ACKR2: variants seen among roughly 807,000 people sequenced by gnomAD.
ACKR2 encodes the protein C-C chemokine receptor D6.
For missense variants in ACKR2, 457 were observed against 477.3 expected (o/e 0.96, Z 0.40); for synonymous variants, 207 against 192.2 (o/e 1.08, Z -0.64).
intron 1 of ACKR2, among the ~76,000 whole-genome samples, chr3:42,812,211 TA>T (rs1700704246): frequency 1.3e-5 from 2 of 152,248 alleles, no homozygotes; most frequent in Admixed American, 1.3e-4. Flanking sequence ...CAGGGTTGTA[TA>T]GTGCATAACG....
intron 2 of ACKR2, among the ~76,000 whole-genome samples, chr3:42,862,673 TG>T (rs1356850178): frequency 6.6e-6 from 1 of 151,974 alleles, no homozygotes; most frequent in Non-Finnish European, 1.5e-5. Context: ...TATAAACAAA[TG>T]GAACAGAACA....
At chr3:42,828,092 A>ATTTTTTTTTTTTTTTTTTTTTTTTT (rs71072742) in intron 2 of ACKR2, among the ~76,000 whole-genome samples, 1 of 121,902 alleles carries the variant, frequency 8.2e-6, no homozygotes, top group African/African-American at 3.2e-5. Flanking sequence ...ATATATATAT[A>ATTTTTTTTTTTTTTTTTTTTTTTTT]TTTTTTTTTT....
At chr3:42,824,214 A>G (rs1431627251) in intron 2 of ACKR2, among the ~76,000 whole-genome samples, 3 of 152,232 alleles carry the variant, frequency 2.0e-5, no homozygotes, top group East Asian at 3.8e-4. Flanking sequence ...AATACCTAAT[A>G]TAATGTAAAT....
At chr3:42,830,026 A>G (rs1046271560) in intron 2 of ACKR2, among the ~76,000 whole-genome samples, 1 of 151,838 alleles carries the variant, frequency 6.6e-6, no homozygotes, top group Non-Finnish European at 1.5e-5. Context: ...TCTAATATTT[A>G]CTAAACAAAT....
intron 1 of ACKR2, among the ~76,000 whole-genome samples, chr3:42,812,796 CTT>C (rs986237305): frequency 3.6e-5 from 5 of 140,748 alleles, no homozygotes; most frequent in Admixed American, 8.0e-5. Context: ...AAGTGATCCT[CTT>C]GCCTCAGCCT....
chr3:42,813,167 A>T (rs1016378722), intron 1 of ACKR2, among the ~76,000 whole-genome samples: 5 of 152,212 alleles, frequency 3.3e-5, no homozygotes, highest in Non-Finnish European at 5.9e-5. Context: ...AAAGCAAGAT[A>T]ATTTGCAAAT....
At chr3:42,846,330 G>T (rs1389034118) in intron 2 of ACKR2, among the ~76,000 whole-genome samples, 1 of 152,184 alleles carries the variant, frequency 6.6e-6, no homozygotes, top group African/African-American at 2.4e-5. Flanking sequence ...AGCTTTCTCA[G>T]TTTCCAGAGA....
At chr3:42,813,252 A>G (rs1252810835) in intron 1 of ACKR2, among the ~76,000 whole-genome samples, 1 of 152,200 alleles carries the variant, frequency 6.6e-6, no homozygotes. Context: ...TTAAATAAGT[A>G]TGTTATAGTA....
chr3:42,813,805 A>G (rs1030566402), intron 1 of ACKR2, among the ~76,000 whole-genome samples: 3 of 152,212 alleles, frequency 2.0e-5, no homozygotes. Flanking sequence ...CATATTTATT[A>G]GGAAGTTGTA....
At chr3:42,842,318 CTGA>C (rs1464146448) in intron 2 of ACKR2, among the ~76,000 whole-genome samples, 1 of 152,062 alleles carries the variant, frequency 6.6e-6, no homozygotes, top group Non-Finnish European at 1.5e-5. Flanking sequence ...TGTGATTTTA[CTGA>C]TAATATTCCA....
At chr3:42,823,226 T>C (rs537312459) in intron 2 of ACKR2, among the ~76,000 whole-genome samples, 1 of 152,302 alleles carries the variant, frequency 6.6e-6, no homozygotes, top group East Asian at 1.9e-4. Flanking sequence ...AAGCCTAGCA[T>C]GGAGTGACTT....
chr3:42,863,483 C>T (rs1173356793), intron 2 of ACKR2, among the ~76,000 whole-genome samples: 1 of 152,142 alleles, frequency 6.6e-6, no homozygotes, highest in Non-Finnish European at 1.5e-5. Context: ...CCAGAAATAC[C>T]ATTTGACCCA....
At chr3:42,820,694 T>C (rs1474613240) in intron 2 of ACKR2, among the ~76,000 whole-genome samples, 1 of 147,102 alleles carries the variant, frequency 6.8e-6, no homozygotes, top group Non-Finnish European at 1.5e-5. Flanking sequence ...CCAGAAGAGA[T>C]TTTCAAAGAT....
chr3:42,823,926 C>T (rs150393766), intron 2 of ACKR2, among the ~76,000 whole-genome samples: 6 of 152,260 alleles, frequency 3.9e-5, no homozygotes, highest in Admixed American at 2.0e-4. Context: ...GTCGTCCCTT[C>T]GTATCCACAG....
Position 42,865,684 on chromosome 3 carries a change from C to T in ACKR2, c.*27C>T, listed in dbSNP as rs114288695. The T allele has an allele frequency of 2.0e-3, 3,093 of 1,567,144 alleles. 57 individuals are homozygous for T. The African/African-American group carries it at 0.036, about 18-fold the overall frequency. On this transcript the variant is annotated 3_prime_UTR_variant, in exon 3 of 3. Coordinates refer to ENST00000422265, the MANE Select transcript of ACKR2 (RefSeq NM_001296.5). ...TGACCAAATTTTGGTCTGGTGGGAA[C>T]AGATGGGAACCAGCTCAATTGGGTG...
intron 2 of ACKR2, among the ~76,000 whole-genome samples, chr3:42,833,153 T>G (rs1420711786): frequency 6.6e-6 from 1 of 152,154 alleles, no homozygotes; most frequent in African/African-American, 2.4e-5. Context: ...CATGAGCTAC[T>G]GTGCTTGGGT....
intron 2 of ACKR2, among the ~76,000 whole-genome samples, chr3:42,828,092 A>ATATATATATATTT (rs1193533555): frequency 1.7e-4 from 21 of 121,896 alleles, no homozygotes; most frequent in East Asian, 6.7e-4. Context: ...ATATATATAT[A>ATATATATATATTT]TTTTTTTTTT....
intron 2 of ACKR2, among the ~76,000 whole-genome samples, chr3:42,845,848 C>CAAAA (rs35395771): frequency 2.0e-5 from 1 of 49,406 alleles, no homozygotes; most frequent in Non-Finnish European, 4.8e-5. Context: ...GACTCCGTCT[C>CAAAA]AAAAAAAAAA....
At chr3:42,838,222 T>A (rs1205830799) in intron 2 of ACKR2, among the ~76,000 whole-genome samples, 1 of 152,174 alleles carries the variant, frequency 6.6e-6, no homozygotes, top group Non-Finnish European at 1.5e-5. Context: ...GAATGTGTGC[T>A]CTTCAAAAGA....
Sources: allele counts gnomAD v4.1 joint callset (sites outside exome capture counted in the v4.1 genomes callset), GRCh38; gene constraint gnomAD v4.1.1; transcripts MANE v1.5; gene names NCBI Gene and HGNC (gene_info 2026-07-23, HGNC 2026-07-21).